The following FGF12 variants were observed in gnomAD, a reference collection of about 807,000 sequenced individuals.
The protein encoded by FGF12 is fibroblast growth factor 12B.
Under a neutral mutation model 23.6 loss-of-function variants are expected in FGF12, and 14 were observed. The observed-to-expected ratio is 0.59, with a 90% CI of 0.39 to 0.93. The LOEUF (loss-of-function observed/expected upper bound fraction) is 0.93. Among genes scored for constraint, FGF12 ranks in the 40% least tolerant of loss-of-function variants. FGF12 has a pLI of 0.00. For synonymous variants in FGF12, 62 were observed against 77.3 expected (o/e 0.80, Z 1.04); for missense variants, 175 against 217.8 (o/e 0.80, Z 1.24).
At chr3:192,492,956 ATTTTT>A (rs766838831) in intron 2 of FGF12, among the ~76,000 whole-genome samples, 2 of 121,600 alleles carry the variant, frequency 1.6e-5, no homozygotes, top group African/African-American at 3.0e-5. Flanking sequence ...AATTTTTGTA[ATTTTT>A]TTTTTTTTTT....
At chr3:192,257,564 T>C (rs1712480334) in intron 4 of FGF12, among the ~76,000 whole-genome samples, 1 of 152,174 alleles carries the variant, frequency 6.6e-6, no homozygotes, top group Non-Finnish European at 1.5e-5. Context: ...CCATTTTAAC[T>C]TCCACTTATG....
At chr3:192,593,998 AG>A (rs1273764840) in intron 2 of FGF12, among the ~76,000 whole-genome samples, 1 of 151,998 alleles carries the variant, frequency 6.6e-6, no homozygotes, top group African/African-American at 2.4e-5. Flanking sequence ...AAATATTAAG[AG>A]GGTAAGCAGC....
chr3:192,711,511 G>A (rs1163394628), intron 2 of FGF12, among the ~76,000 whole-genome samples: 2 of 152,196 alleles, frequency 1.3e-5, no homozygotes, highest in African/African-American at 2.4e-5. Context: ...AGAAAAGGGG[G>A]AAATGTGGGG....
chr3:192,202,329 G>T (rs977497550), intron 4 of FGF12, among the ~76,000 whole-genome samples: 1 of 152,160 alleles, frequency 6.6e-6, no homozygotes, highest in African/African-American at 2.4e-5. Context: ...TTGATGTCAG[G>T]CTTTGGAAGG....
chr3:192,186,340 T>C (rs185127850), intron 4 of FGF12, among the ~76,000 whole-genome samples: 21 of 152,312 alleles, frequency 1.4e-4, no homozygotes, highest in Non-Finnish European at 2.5e-4. Context: ...AGGGTTCCTG[T>C]TCAGTTCATG....
chr3:192,482,600 C>T (rs143800892), intron 2 of FGF12, among the ~76,000 whole-genome samples: 308 of 152,180 alleles, frequency 2.0e-3, no homozygotes, highest in African/African-American at 7.0e-3. Context: ...CATCAGTGCA[C>T]GCCAGCCTGG....
chr3:192,400,045 C>T (rs9827969), intron 2 of FGF12, among the ~76,000 whole-genome samples: 26 of 152,304 alleles, frequency 1.7e-4, no homozygotes, highest in African/African-American at 6.0e-4. Context: ...CTATGGTTTT[C>T]TTCTTGAATA....
intron 2 of FGF12, among the ~76,000 whole-genome samples, chr3:192,466,933 A>G (rs1406786823): frequency 6.6e-6 from 1 of 152,232 alleles, no homozygotes; most frequent in Non-Finnish European, 1.5e-5. Context: ...GAGAAAAAAA[A>G]GTAATATAAT....
Position 192,141,771 on chromosome 3 carries a change from GTTAT to G in FGF12, c.*2234_*2237del, listed in dbSNP as rs1433775668. 2 of 145,292 alleles carry G rather than the reference GTTAT, an allele frequency of 1.4e-5. No individual in the cohort carries two copies. Among genetic ancestry groups the G allele is most frequent in the East Asian group, 2.0e-4 (1 of 4,998 alleles). The allele number at this position is 145,292 out of a possible 1,614,324, so 9.0% of individuals were successfully genotyped here. ...GATTTTTATGATTTGCATCAATTGTGTTATTTATGAAACCATCGTTTTACTGATG... is the reference window on the plus strand; with the variant it reads ...GATTTTTATGATTTGCATCAATTGTGTTATGAAACCATCGTTTTACTGATG... On this transcript the variant is annotated 3_prime_UTR_variant, in exon 6 of 6. Coordinates refer to ENST00000445105, the MANE Select transcript of FGF12 (RefSeq NM_004113.6).
Position 192,514,991 on chromosome 3 carries a change from T to A in FGF12, c.14-154453A>T. ...CGAGAGCCCGAGGCGCTGCCACCCCTCGGTGGGCTCGAGCACGGCCCCTTG... is the reference window on the plus strand; with the variant it reads ...CGAGAGCCCGAGGCGCTGCCACCCCACGGTGGGCTCGAGCACGGCCCCTTG... On this transcript the variant is annotated intron_variant, in intron 2 of 5. Transcript: ENST00000445105. This position sits in a 1 kb window ranked among gnomAD's most constrained non-coding sequence, Gnocchi z 4.9. The A allele has an allele frequency of 2.9e-6, 1 of 341,120 alleles. No homozygotes were observed. Among genetic ancestry groups the A allele is most frequent in the Non-Finnish European group, 4.1e-6 (1 of 241,250 alleles). The allele number at this position is 341,120 out of a possible 1,614,324, so 21.1% of individuals were successfully genotyped here. A position where few individuals can be genotyped will look rare whatever the true frequency, so the allele number is the denominator to read the frequency against.
chr3:192,306,794 G>A (rs1715674427), intron 4 of FGF12, among the ~76,000 whole-genome samples: 1 of 152,102 alleles, frequency 6.6e-6, no homozygotes, highest in Non-Finnish European at 1.5e-5. Context: ...ATAAATAAGA[G>A]GGACCTCTGG....
intron 2 of FGF12, among the ~76,000 whole-genome samples, chr3:192,384,773 G>A (rs1337806303): frequency 6.6e-6 from 1 of 152,150 alleles, no homozygotes; most frequent in Non-Finnish European, 1.5e-5. Flanking sequence ...GACATTCACT[G>A]ATGTTTGCAT....
chr3:192,310,442 T>G lies in FGF12; in HGVS notation c.228+24919A>C, dbSNP rs566090569. Among the ~76,000 whole-genome samples the G allele has an allele frequency of 5.3e-5, 8 of 152,290 alleles. No homozygotes were observed. In the East Asian group the frequency reaches 1.3e-3, roughly 26 times the overall value. On this transcript the variant is annotated intron_variant, in intron 4 of 5. Transcript: ENST00000445105. ...TTCAGTTAGAGCCCTTTTAAAATAT[T>G]TATACTTAAAACTGCACCATAAATT...
intron 2 of FGF12, among the ~76,000 whole-genome samples, chr3:192,487,972 A>G (rs940439122): frequency 1.3e-5 from 2 of 152,090 alleles, no homozygotes; most frequent in African/African-American, 4.8e-5. Context: ...ATGCAGCACA[A>G]TATTGTGCTC....
At chr3:192,624,814 AC>A (rs1000240085) in intron 2 of FGF12, among the ~76,000 whole-genome samples, 34 of 152,100 alleles carry the variant, frequency 2.2e-4, no homozygotes, top group Admixed American at 2.2e-3. Flanking sequence ...AGTGTAAGAG[AC>A]CATACATTTT....
intron 2 of FGF12, among the ~76,000 whole-genome samples, chr3:192,615,657 A>T (rs552783768): frequency 1.3e-5 from 2 of 152,112 alleles, no homozygotes; most frequent in African/African-American, 2.4e-5. Context: ...AGTGCTCAAA[A>T]TATATATACA....
At chr3:192,248,590 T>C (rs1302284854) in intron 4 of FGF12, among the ~76,000 whole-genome samples, 6 of 152,056 alleles carry the variant, frequency 3.9e-5, no homozygotes, top group Admixed American at 1.3e-4. Flanking sequence ...CTATGCAACA[T>C]AGTGAGACCC....
chr3:192,330,261 T>C (rs1375050042), intron 4 of FGF12, among the ~76,000 whole-genome samples: 3 of 152,128 alleles, frequency 2.0e-5, no homozygotes, highest in African/African-American at 7.2e-5. Flanking sequence ...GAACCTCAAA[T>C]AGCCAAAACC....
At chr3:192,249,232 G>A (rs1711840273) in intron 4 of FGF12, among the ~76,000 whole-genome samples, 2 of 151,982 alleles carry the variant, frequency 1.3e-5, no homozygotes, top group Non-Finnish European at 2.9e-5. Flanking sequence ...AATGACAGCT[G>A]AATAATAAAA....
Sources: allele counts gnomAD v4.1 joint callset (sites outside exome capture counted in the v4.1 genomes callset), GRCh38; gene constraint gnomAD v4.1.1; non-coding constraint Gnocchi (gnomAD v3.1); transcripts MANE v1.5; gene names NCBI Gene and HGNC (gene_info 2026-07-23, HGNC 2026-07-21).